The following NUP210L variants were observed in gnomAD, a reference collection of about 807,000 sequenced individuals.
NUP210L encodes nucleoporin 210 like, also known as nuclear pore membrane glycoprotein 210-like.
Under a neutral mutation model 208.5 loss-of-function variants are expected in NUP210L, and 74 were observed. That is an observed-to-expected ratio of 0.35 (90% CI 0.29 to 0.43). The LOEUF (loss-of-function observed/expected upper bound fraction) is 0.43. NUP210L is among the 20% of genes least tolerant of loss of function. The pLI is 1.00. For missense variants in NUP210L, 1,843 were observed against 2,289.4 expected, an observed-to-expected ratio of 0.81 and a Z score of 3.98; for synonymous variants, 780 against 816.9, an observed-to-expected ratio of 0.95 and a Z score of 0.77.
rs35540425 is a variant in NUP210L at position 154,101,172 on chromosome 1, CA to C, written c.1820-1030del. On this transcript the variant is annotated intron_variant, in intron 13 of 39. Transcript: ENST00000368559. ...GAGCAACAAGAGTGAAACTCTGTCT[CA>C]AAAAAAAAAAAAAAAAAAAATTTGG... Among the ~76,000 whole-genome samples, 236 of 104,720 alleles carry C rather than the reference CA, an allele frequency of 2.3e-3. 1 individual carries two copies. The highest frequency in any genetic ancestry group is 6.8e-3 in the African/African-American group (179 of 26,506). 68.7% of individuals were successfully genotyped at this position (104,720 alleles called of 152,430 possible).
chr1:154,089,360 C>G, intron 16 of NUP210L, 61 bp downstream of exon 16: 2 of 1,394,834 alleles, frequency 1.4e-6, no homozygotes, highest in East Asian at 2.3e-5. Flanking sequence ...ATTCCAGACT[C>G]TATCTCTAAA....
chr1:154,118,706 G>A, exon 11 of NUP210L: 1 of 1,607,514 alleles, frequency 6.2e-7, no homozygotes, highest in Non-Finnish European at 8.5e-7. Context: ...CCCATAGGAT[G>A]ATGAGGAAAT....
intron 21 of NUP210L, 137 bp downstream of exon 21, chr1:154,058,428 A>T: frequency 8.9e-7 from 1 of 1,128,748 alleles, no homozygotes; most frequent in South Asian, 1.5e-5. Context: ...GTTGTTCTTT[A>T]AGGGCAGGTA....
intron 10 of NUP210L, among the ~76,000 whole-genome samples, chr1:154,124,158 G>A (rs1571301735): frequency 1.4e-5 from 2 of 144,322 alleles, no homozygotes; most frequent in Non-Finnish European, 3.0e-5. Context: ...CTGCGCTCCA[G>A]CCTGGGCAAC....
At chr1:154,068,263 C>G (rs1487666720) in intron 17 of NUP210L, among the ~76,000 whole-genome samples, 1 of 152,096 alleles carries the variant, frequency 6.6e-6, no homozygotes, top group Non-Finnish European at 1.5e-5. Context: ...AGACCAGAGA[C>G]CTCAGAAATA....
chr1:154,064,739 T>A (rs1053569913), intron 17 of NUP210L, among the ~76,000 whole-genome samples: 2 of 152,036 alleles, frequency 1.3e-5, no homozygotes, highest in Non-Finnish European at 2.9e-5. Flanking sequence ...TACTAACAAA[T>A]AAATAATATT....
At chr1:154,034,660 T>C (rs1652432208) in intron 27 of NUP210L, among the ~76,000 whole-genome samples, 1 of 150,456 alleles carries the variant, frequency 6.6e-6, no homozygotes. Flanking sequence ...ATCATGGTGT[T>C]GATCTCATTA....
In NUP210L at chr1:154,127,925, GTCA is replaced by G. The variant is rs559984473; in HGVS notation, c.1079-511_1079-509del. Reference sequence around the variant, plus strand: ...GTCACAGATGCTGGAGTGCAGTGGTGTCATCATGACTCACTGCAGCCTCGACCT... The same window carrying G: ...GTCACAGATGCTGGAGTGCAGTGGTGTCATGACTCACTGCAGCCTCGACCT... On this transcript the variant is annotated intron_variant, in intron 8 of 39. Transcript: ENST00000368559. Among the ~76,000 whole-genome samples the G allele has an allele frequency of 2.0e-4, 30 of 152,034 alleles. No homozygotes were observed. The South Asian group carries it at 3.7e-3, about 19-fold the overall frequency.
exon 2 of NUP210L, chr1:154,152,867 G>A (rs1366064122): frequency 1.2e-6 from 2 of 1,613,850 alleles, no homozygotes; most frequent in Non-Finnish European, 1.7e-6. Context: ...ATGATGGGTG[G>A]AATGCCTGCC....
At chr1:154,025,635 G>A (rs776610709) in exon 30 of NUP210L, 65 of 1,613,726 alleles carry the variant, frequency 4.0e-5, no homozygotes, top group Non-Finnish European at 5.3e-5. Flanking sequence ...CAGCTTTCAG[G>A]AGCCCTTCAC....
At chr1:154,091,501 CTTTT>C (rs772608860) in intron 15 of NUP210L, among the ~76,000 whole-genome samples, 3 of 124,632 alleles carry the variant, frequency 2.4e-5, no homozygotes, top group African/African-American at 3.3e-5. Context: ...CTTTTCTTTT[CTTTT>C]TTTTTTTTTT....
intron 27 of NUP210L, among the ~76,000 whole-genome samples, chr1:154,033,995 C>T (rs964381716): frequency 2.0e-5 from 3 of 152,090 alleles, no homozygotes; most frequent in Non-Finnish European, 4.4e-5. Flanking sequence ...ATGATCTCAG[C>T]TCACTGCAAC....
chr1:154,131,582 A>G (rs1266559254), intron 7 of NUP210L, among the ~76,000 whole-genome samples: 1 of 152,014 alleles, frequency 6.6e-6, no homozygotes, highest in Non-Finnish European at 1.5e-5. Context: ...AAAAAAAAGT[A>G]TTCGTTGTGT....
intron 10 of NUP210L, among the ~76,000 whole-genome samples, chr1:154,119,572 T>C (rs1032152015): frequency 2.0e-5 from 3 of 151,770 alleles, no homozygotes; most frequent in African/African-American, 4.8e-5. Context: ...TGGGCAACAA[T>C]AGGGAAACCT....
At chr1:154,088,718 A>G (rs868555973) in intron 16 of NUP210L, among the ~76,000 whole-genome samples, 3 of 152,172 alleles carry the variant, frequency 2.0e-5, no homozygotes, top group African/African-American at 7.2e-5. Flanking sequence ...TAGCTTTATG[A>G]CTGGGAAAAT....
chr1:154,117,639 TG>T, intron 12 of NUP210L, 85 bp downstream of exon 12: 1 of 1,027,394 alleles, frequency 9.7e-7, no homozygotes, highest in Non-Finnish European at 1.4e-6. Flanking sequence ...ATAGCCATGT[TG>T]GGCTCTTTTT....
At chr1:154,069,971 C>T (rs560714118) in intron 17 of NUP210L, among the ~76,000 whole-genome samples, 34 of 152,072 alleles carry the variant, frequency 2.2e-4, no homozygotes, top group Non-Finnish European at 4.7e-4. Context: ...AAACACCGCA[C>T]GTTCTCTCTC....
chr1:154,117,828 A>C (rs1657410939), exon 12 of NUP210L: 2 of 1,612,408 alleles, frequency 1.2e-6, no homozygotes, highest in Non-Finnish European at 8.5e-7. Flanking sequence ...GGTTACTATG[A>C]CCACTGTTTC....
chr1:154,029,507 C>A (rs903289196), intron 28 of NUP210L, among the ~76,000 whole-genome samples: 1 of 151,666 alleles, frequency 6.6e-6, no homozygotes, highest in Non-Finnish European at 1.5e-5. Context: ...AGTTTCAGAC[C>A]AGCCTGACCA....
Sources: allele counts gnomAD v4.1 joint callset (sites outside exome capture counted in the v4.1 genomes callset), GRCh38; gene constraint gnomAD v4.1.1; transcripts MANE v1.5; gene names NCBI Gene and HGNC (gene_info 2026-07-23, HGNC 2026-07-21).